Variants in ZNF277 observed in about 807,000 individuals in gnomAD.
ZNF277 encodes the protein zinc finger protein 277.
Under a neutral mutation model 60.7 loss-of-function variants are expected in ZNF277, and 55 were observed. That is an observed-to-expected ratio of 0.91 (90% CI 0.73 to 1.13). The LOEUF (loss-of-function observed/expected upper bound fraction) is 1.13. Ranked by LOEUF, ZNF277 falls within the 50% of genes most tolerant of loss-of-function variation. ZNF277 has a pLI of 0.00. For missense variants in ZNF277, 510 were observed against 523.0 expected, an observed-to-expected ratio of 0.98 and a Z score of 0.24; for synonymous variants, 178 against 179.3, an observed-to-expected ratio of 0.99 and a Z score of 0.06.
chr7:112,321,951 A>G (rs1278165372), intron 5 of ZNF277, among the ~76,000 whole-genome samples: 1 of 152,000 alleles, frequency 6.6e-6, no homozygotes, highest in Non-Finnish European at 1.5e-5. Flanking sequence ...GTTGGTAAGG[A>G]TCTCTTATCT....
intron 1 of ZNF277, among the ~76,000 whole-genome samples, chr7:112,208,541 G>T (rs1821640469): frequency 6.7e-6 from 1 of 149,812 alleles, no homozygotes; most frequent in Admixed American, 6.6e-5. Flanking sequence ...ACCACTCCCC[G>T]AGTATTAAGT....
At chr7:112,211,247 A>G (rs1349883263) in intron 1 of ZNF277, among the ~76,000 whole-genome samples, 3 of 152,224 alleles carry the variant, frequency 2.0e-5, no homozygotes. Context: ...CATCAAGTCT[A>G]AGCTAGAAAC....
intron 1 of ZNF277, 131 bp downstream of exon 1, chr7:112,206,938 G>A: frequency 1.2e-6 from 1 of 836,308 alleles, no homozygotes; most frequent in Non-Finnish European, 1.8e-6. Flanking sequence ...GGGCCCCACG[G>A]GTGGTGGCCC....
At position 112,318,167 on chromosome 7, in the gene ZNF277, G is replaced by C; in HGVS notation, c.466-15G>C. 3 of 1,603,368 alleles carry C rather than the reference G, an allele frequency of 1.9e-6. No homozygotes were observed. The South Asian group carries it at 3.3e-5, about 18-fold the overall frequency. On this transcript the variant is annotated splice_polypyrimidine_tract_variant and intron_variant, in intron 4 of 11. Transcript: ENST00000361822. Reference sequence around the variant, plus strand: ...TGCATTAAGATAATACCATAAATCTGTTTCTACTTTCCAGAGAGAAATTCT... The same window carrying C: ...TGCATTAAGATAATACCATAAATCTCTTTCTACTTTCCAGAGAGAAATTCT...
chr7:112,270,177 A>T (rs1477496305), intron 1 of ZNF277, among the ~76,000 whole-genome samples: 1 of 152,112 alleles, frequency 6.6e-6, no homozygotes, highest in East Asian at 1.9e-4. Context: ...AGTCCAGTTG[A>T]TTCTTTGCAT....
chr7:112,313,406 C>T (rs947885659), intron 4 of ZNF277, among the ~76,000 whole-genome samples: 6 of 151,782 alleles, frequency 4.0e-5, no homozygotes, highest in African/African-American at 1.5e-4. Context: ...CAGTCAGCCT[C>T]CTGGATAGCT....
intron 4 of ZNF277, among the ~76,000 whole-genome samples, chr7:112,315,838 C>T (rs543030302): frequency 6.6e-6 from 1 of 152,124 alleles, no homozygotes; most frequent in African/African-American, 2.4e-5. Context: ...TGCTGAGTGG[C>T]TCATTTGTAT....
Position 112,340,853 on chromosome 7 carries a change from T to A in ZNF277, c.1010-19T>A, listed in dbSNP as rs1245429867. ...GGTCTGAACAGTTGTCTAATGATTCTGTATTTTGTCATTTTCAGGATTAAA... is the reference window on the plus strand; with the variant it reads ...GGTCTGAACAGTTGTCTAATGATTCAGTATTTTGTCATTTTCAGGATTAAA... On this transcript the variant is annotated intron_variant, in intron 10 of 11. Coordinates refer to ENST00000361822, the MANE Select transcript of ZNF277 (RefSeq NM_021994.3). 2.5e-6 allele frequency: 4 copies of A among 1,606,376 alleles called. No homozygotes were observed. In the African/African-American group the frequency reaches 4.0e-5, roughly 16 times the overall value.
chr7:112,326,905 A>G (rs1048647493), intron 5 of ZNF277, among the ~76,000 whole-genome samples: 5 of 152,178 alleles, frequency 3.3e-5, no homozygotes, highest in African/African-American at 1.2e-4. Context: ...TACTATACAC[A>G]TATGCTTTTT....
intron 2 of ZNF277, among the ~76,000 whole-genome samples, chr7:112,293,484 TG>T (rs1239271510): frequency 1.4e-5 from 2 of 147,234 alleles, no homozygotes; most frequent in African/African-American, 5.1e-5. Context: ...GAGGCTGAGG[TG>T]GGGAGGATGT....
At chr7:112,257,785 T>A (rs1054306737) in intron 1 of ZNF277, among the ~76,000 whole-genome samples, 2 of 151,978 alleles carry the variant, frequency 1.3e-5, no homozygotes, top group Non-Finnish European at 2.9e-5. Context: ...TTCAAATTTT[T>A]AATTTTTAAT....
chr7:112,282,964 A>G (rs533670880), intron 1 of ZNF277, among the ~76,000 whole-genome samples: 1 of 152,350 alleles, frequency 6.6e-6, no homozygotes, highest in African/African-American at 2.4e-5. Flanking sequence ...TGTGAAGTTA[A>G]CAATGCCTGG....
chr7:112,265,421 G>A (rs1400157070), intron 1 of ZNF277, among the ~76,000 whole-genome samples: 2 of 152,122 alleles, frequency 1.3e-5, no homozygotes, highest in East Asian at 1.9e-4. Context: ...TTATATGGGC[G>A]CAATTTGTTA....
At chr7:112,278,316 A>G (rs565666888) in intron 1 of ZNF277, among the ~76,000 whole-genome samples, 18 of 152,258 alleles carry the variant, frequency 1.2e-4, no homozygotes, top group Admixed American at 3.9e-4. Context: ...TTTTGCACCA[A>G]CCTAACCTCG....
intron 5 of ZNF277, among the ~76,000 whole-genome samples, chr7:112,326,631 C>G (rs747265486): frequency 1.4e-5 from 2 of 142,732 alleles, no homozygotes; most frequent in Non-Finnish European, 3.0e-5. Context: ...AAATGTATCT[C>G]TTACATAGTT....
chr7:112,269,058 C>T (rs1260332153), intron 1 of ZNF277, among the ~76,000 whole-genome samples: 1 of 152,054 alleles, frequency 6.6e-6, no homozygotes, highest in Non-Finnish European at 1.5e-5. Flanking sequence ...ACTGATACAC[C>T]TTGATTTGTC....
intron 1 of ZNF277, among the ~76,000 whole-genome samples, chr7:112,268,652 A>G (rs1791600035): frequency 6.6e-6 from 1 of 152,176 alleles, no homozygotes; most frequent in South Asian, 2.1e-4. Context: ...TTAAAAGCAC[A>G]AAGTAGAAAA....
intron 1 of ZNF277, among the ~76,000 whole-genome samples, chr7:112,219,487 C>G (rs537949609): frequency 2.6e-5 from 4 of 152,242 alleles, no homozygotes; most frequent in African/African-American, 9.6e-5. Flanking sequence ...TCCTTTCCCC[C>G]ATTATGTATT....
At chr7:112,245,997 A>G (rs528474517) in intron 1 of ZNF277, among the ~76,000 whole-genome samples, 1 of 152,266 alleles carries the variant, frequency 6.6e-6, no homozygotes, top group East Asian at 1.9e-4. Context: ...TAAGGAAGGG[A>G]AAGTCTTCTG....
Sources: gnomAD v4.1 joint callset for allele counts (sites outside exome capture counted in the v4.1 genomes callset) on GRCh38, gnomAD v4.1.1 for gene constraint, MANE v1.5 for transcripts, NCBI Gene and HGNC (gene_info 2026-07-23, HGNC 2026-07-21) for gene names.